Variants in FER observed in about 807,000 individuals in gnomAD.
The protein encoded by FER is tyrosine-protein kinase Fer.
Under a neutral mutation model 111.0 loss-of-function variants are expected in FER, and 63 were observed. That is an observed-to-expected ratio of 0.57 (90% CI 0.46 to 0.70). FER has a LOEUF of 0.70. Among genes scored for constraint, FER ranks in the 30% least tolerant of loss-of-function variants. FER has a pLI of 0.00. For missense variants in FER, 914 were observed against 954.0 expected, an observed-to-expected ratio of 0.96 and a Z score of 0.55; for synonymous variants, 327 against 313.9, an observed-to-expected ratio of 1.04 and a Z score of -0.44.
At chr5:109,155,443 G>C (rs1445883624) in intron 17 of FER, among the ~76,000 whole-genome samples, 1 of 151,950 alleles carries the variant, frequency 6.6e-6, no homozygotes, top group Non-Finnish European at 1.5e-5. Context: ...AATCAGGAGA[G>C]AAGAGAAATT....
At chr5:108,786,038 T>G (rs1422340293) in intron 2 of FER, among the ~76,000 whole-genome samples, 1 of 152,192 alleles carries the variant, frequency 6.6e-6, no homozygotes, top group Non-Finnish European at 1.5e-5. Context: ...TAATTTCAGT[T>G]TCTGTGGCAT....
intron 13 of FER, among the ~76,000 whole-genome samples, chr5:108,963,958 A>G (rs1297487006): frequency 3.3e-5 from 5 of 152,150 alleles, no homozygotes; most frequent in African/African-American, 1.2e-4. Flanking sequence ...GGCTTATAAT[A>G]TAGTTTTTGA....
At chr5:108,894,506 ATTAG>A (rs1748737216) in intron 9 of FER, 2 of 398,706 alleles carry the variant, frequency 5.0e-6, no homozygotes. Context: ...TGACACTGAT[ATTAG>A]TTAGTTTGAT....
intron 16 of FER, among the ~76,000 whole-genome samples, chr5:109,077,391 C>T (rs72796547): frequency 0.065 from 9,840 of 152,120 alleles, 452 homozygotes; most frequent in Non-Finnish European, 0.1. Context: ...TTAAAAAATA[C>T]CTTAAGGTAA....
At chr5:109,181,845 T>C (rs1758324624) in intron 18 of FER, among the ~76,000 whole-genome samples, 2 of 152,186 alleles carry the variant, frequency 1.3e-5, no homozygotes, top group African/African-American at 4.8e-5. Context: ...GTACCTCTAG[T>C]TTCAAAACAT....
intron 16 of FER, among the ~76,000 whole-genome samples, chr5:109,085,522 ACTT>A (rs935671850): frequency 2.8e-5 from 4 of 143,062 alleles, no homozygotes; most frequent in South Asian, 2.2e-4. Flanking sequence ...AAGAGATTTT[ACTT>A]CTTTCTTATT....
Position 109,044,726 on chromosome 5 carries a change from C to A in FER, c.1760C>A (p.Ser587Tyr). The change falls in exon 15 of 20, where the codon TCT becomes TAT. Residue 587 changes from serine (S) to tyrosine (Y), a missense_variant. This residue lies in a region of FER where 774 missense variants were observed against 782.6 expected (regional missense o/e 0.99). Transcript: ENST00000281092. Reference protein sequence around the residue: ...VYKGTLKDKTSVAVKTCKEDL... With the variant: ...VYKGTLKDKTYVAVKTCKEDL... ...AAGGGCACATTAAAGGATAAAACTT[C>A]TGTTGCTGTTAAAACATGTAAAGAA... 1 of 1,589,736 alleles carries A rather than the reference C, an allele frequency of 6.3e-7. No individual in the cohort carries two copies. Among genetic ancestry groups the A allele is most frequent in the Non-Finnish European group, 8.5e-7 (1 of 1,170,862 alleles).
intron 17 of FER, among the ~76,000 whole-genome samples, chr5:109,113,480 C>A (rs777357197): frequency 6.6e-6 from 1 of 152,090 alleles, no homozygotes; most frequent in Non-Finnish European, 1.5e-5. Context: ...TAAGCAGTAT[C>A]TGTGGAAGGA....
intron 10 of FER, among the ~76,000 whole-genome samples, chr5:108,937,187 A>G (rs1268956558): frequency 1.3e-5 from 2 of 151,992 alleles, no homozygotes; most frequent in East Asian, 3.8e-4. Flanking sequence ...AATTTGAGTT[A>G]AGAAACCAAT....
At chr5:108,961,828 A>G (rs1201433234) in intron 13 of FER, among the ~76,000 whole-genome samples, 1 of 152,034 alleles carries the variant, frequency 6.6e-6, no homozygotes, top group African/African-American at 2.4e-5. Flanking sequence ...AATTATTTGT[A>G]CTCTTATAAC....
intron 13 of FER, among the ~76,000 whole-genome samples, chr5:109,003,876 A>C (rs924650820): frequency 3.3e-5 from 5 of 152,120 alleles, no homozygotes; most frequent in African/African-American, 9.7e-5. Context: ...GCTACTTGGG[A>C]TGCCAAGGTG....
chr5:109,089,922 T>C (rs902093218), intron 16 of FER, among the ~76,000 whole-genome samples: 1 of 152,184 alleles, frequency 6.6e-6, no homozygotes, highest in African/African-American at 2.4e-5. Context: ...CTTCCTGTGG[T>C]ACCAAAGGAC....
chr5:108,872,643 A>G (rs192394639), intron 8 of FER, among the ~76,000 whole-genome samples: 1 of 152,098 alleles, frequency 6.6e-6, no homozygotes, highest in African/African-American at 2.4e-5. Context: ...TGAAGCAGGG[A>G]TGTCTTCTGT....
chr5:109,006,353 G>A (rs1316424128), intron 13 of FER, among the ~76,000 whole-genome samples: 1 of 152,164 alleles, frequency 6.6e-6, no homozygotes. Flanking sequence ...TCTTGTGAGA[G>A]TAAGTCTCAC....
At chr5:108,794,524 G>GCCCCCCCCCCCCCCCCCCCCCC (rs1415651696) in intron 2 of FER, among the ~76,000 whole-genome samples, 4 of 53,706 alleles carry the variant, frequency 7.4e-5, no homozygotes, top group Non-Finnish European at 1.5e-4. Context: ...TGCCCCCTCC[G>GCCCCCCCCCCCCCCCCCCCCCC]CACCCCCCCC....
At chr5:108,960,913 G>GTATA (rs1230384098) in intron 13 of FER, among the ~76,000 whole-genome samples, 4 of 151,992 alleles carry the variant, frequency 2.6e-5, no homozygotes, top group African/African-American at 9.7e-5. Flanking sequence ...TTACAATTAA[G>GTATA]TATATATCTC....
chr5:108,802,565 G>A (rs1391359009), intron 3 of FER, among the ~76,000 whole-genome samples: 1 of 151,082 alleles, frequency 6.6e-6, no homozygotes, highest in Non-Finnish European at 1.5e-5. Flanking sequence ...ATATCCTTGT[G>A]TACCCAATGT....
chr5:109,022,928 C>G (rs1768126024), intron 13 of FER, among the ~76,000 whole-genome samples: 1 of 152,062 alleles, frequency 6.6e-6, no homozygotes, highest in African/African-American at 2.4e-5. Flanking sequence ...TAGATAATAG[C>G]TTGGTTTTTA....
intron 17 of FER, among the ~76,000 whole-genome samples, chr5:109,128,363 T>C (rs561950971): frequency 4.6e-5 from 7 of 152,304 alleles, no homozygotes; most frequent in East Asian, 3.9e-4. Context: ...ATGACAACTT[T>C]CAATTGTAAG....
Sources: gnomAD v4.1 joint callset for allele counts (sites outside exome capture counted in the v4.1 genomes callset) on GRCh38, gnomAD v4.1.1 for gene constraint, gnomAD v4.1.1 regional missense constraint, MANE v1.5 for transcripts, NCBI Gene and HGNC (gene_info 2026-07-23, HGNC 2026-07-21) for gene names.